The following PLA2G4E variants were observed in gnomAD, a reference collection of about 807,000 sequenced individuals.
PLA2G4E encodes phospholipase A2 group IVE.
Under a neutral mutation model 109.1 loss-of-function variants are expected in PLA2G4E, and 84 were observed. The observed-to-expected ratio is 0.77, with a 90% CI of 0.65 to 0.92. The LOEUF (loss-of-function observed/expected upper bound fraction) is 0.92. Ranked by LOEUF, PLA2G4E falls within the 40% of genes least tolerant of loss-of-function variation. PLA2G4E has a pLI of 0.00. For missense variants in PLA2G4E, 1,057 were observed against 1,076.6 expected (o/e 0.98, Z 0.25); for synonymous variants, 469 against 436.1 (o/e 1.08, Z -0.94).
chr15:41,997,160 C>T (rs989777437), exon 11 of PLA2G4E: 8 of 1,568,052 alleles, frequency 5.1e-6, no homozygotes, highest in Non-Finnish European at 6.9e-6. Context: ...GCTGCAGCAC[C>T]TGCTTCAGGG....
intron 2 of PLA2G4E, 91 bp downstream of exon 2, chr15:42,013,594 C>T: frequency 1.5e-6 from 2 of 1,292,070 alleles, no homozygotes; most frequent in Non-Finnish European, 2.2e-6. Context: ...CGCACACACA[C>T]ACACGGATCC....
At chr15:42,007,416 T>C (rs920382337) in intron 3 of PLA2G4E, among the ~76,000 whole-genome samples, 3 of 152,230 alleles carry the variant, frequency 2.0e-5, no homozygotes, top group Admixed American at 6.5e-5. Flanking sequence ...TTTCACTCTG[T>C]GTATTCCCCT....
intron 1 of PLA2G4E, among the ~76,000 whole-genome samples, chr15:42,026,552 A>G (rs2141068705): frequency 6.6e-6 from 1 of 152,344 alleles, no homozygotes; most frequent in Non-Finnish European, 1.5e-5. Flanking sequence ...TGTTGGTGGG[A>G]ATATGGGAAT....
In PLA2G4E at chr15:41,995,355, C is replaced by A; in HGVS notation, c.1247+5G>T. On this transcript the variant is annotated splice_donor_5th_base_variant and intron_variant, in intron 12 of 19. Coordinates refer to ENST00000399518, the Ensembl canonical transcript of PLA2G4E. Reference sequence around the variant, plus strand: ...CTCCACAGACAGTGGCTCATGTCTCCTTACCAGGTGGCCCCTGATAGACCG... The same window carrying A: ...CTCCACAGACAGTGGCTCATGTCTCATTACCAGGTGGCCCCTGATAGACCG... 1 of 1,612,894 alleles carries A rather than the reference C, an allele frequency of 6.2e-7. No individual in the cohort carries two copies. The highest frequency in any genetic ancestry group is 8.5e-7 in the Non-Finnish European group (1 of 1,179,090).
intron 15 of PLA2G4E, 110 bp downstream of exon 15, chr15:41,989,305 T>G: frequency 6.2e-5 from 91 of 1,457,946 alleles, no homozygotes; most frequent in Middle Eastern, 3.6e-4. Context: ...ACTCCTAGGA[T>G]GAGACAATGC....
At chr15:42,044,873 T>G (rs895964655) in intron 1 of PLA2G4E, among the ~76,000 whole-genome samples, 1 of 151,294 alleles carries the variant, frequency 6.6e-6, no homozygotes, top group Non-Finnish European at 1.5e-5. Context: ...GGAAGATGTG[T>G]TGTAGTGGCT....
intron 1 of PLA2G4E, among the ~76,000 whole-genome samples, chr15:42,039,967 A>C (rs1453809859): frequency 1.3e-5 from 2 of 152,248 alleles, no homozygotes; most frequent in African/African-American, 4.8e-5. Context: ...ATGAAAATGA[A>C]AAAATGTTCA....
intron 1 of PLA2G4E, among the ~76,000 whole-genome samples, chr15:42,048,585 C>G (rs903250227): frequency 2.6e-5 from 4 of 152,194 alleles, no homozygotes; most frequent in Admixed American, 2.6e-4. Flanking sequence ...TGCACTGTGA[C>G]AGGCATGGGG....
chr15:41,998,223 A>G (rs2068372924), intron 10 of PLA2G4E: 1 of 152,264 alleles, frequency 6.6e-6, no homozygotes, highest in Non-Finnish European at 1.5e-5. Flanking sequence ...TGGGCCTAGG[A>G]GATTTCCATC....
At chr15:42,024,716 G>A (rs1482414170) in intron 1 of PLA2G4E, among the ~76,000 whole-genome samples, 2 of 152,096 alleles carry the variant, frequency 1.3e-5, no homozygotes, top group Non-Finnish European at 2.9e-5. Context: ...CAGCTTGTGA[G>A]CTTTAGAAAC....
At chr15:41,989,660 G>A in intron 14 of PLA2G4E, 108 bp from the exon 15 acceptor site, 1 of 1,418,774 alleles carries the variant, frequency 7.0e-7, no homozygotes, top group Non-Finnish European at 9.4e-7. Flanking sequence ...GGAAAGCCTG[G>A]GACAGGGAGG....
intron 1 of PLA2G4E, among the ~76,000 whole-genome samples, chr15:42,028,737 G>C (rs764138300): frequency 1.3e-4 from 20 of 152,098 alleles, no homozygotes; most frequent in Non-Finnish European, 2.6e-4. Flanking sequence ...CTTCTTCTAT[G>C]TGCCTATGTT....
intron 1 of PLA2G4E, among the ~76,000 whole-genome samples, chr15:42,046,993 G>A (rs1889428059): frequency 6.6e-6 from 1 of 152,240 alleles, no homozygotes; most frequent in Admixed American, 6.5e-5. Flanking sequence ...ATCCATAGGG[G>A]TGGTCCTGGA....
chr15:41,989,698 G>A (rs1344758351), intron 14 of PLA2G4E, 146 bp from the exon 15 acceptor site: 5 of 1,123,812 alleles, frequency 4.4e-6, no homozygotes, highest in Non-Finnish European at 6.2e-6. Context: ...GACACATGGG[G>A]GCACCCTTGG....
chr15:42,037,920 G>A lies in PLA2G4E; in HGVS notation c.183+12601C>T, dbSNP rs1318372559. 2.0e-5 allele frequency among the ~76,000 whole-genome samples: 3 copies of A among 152,172 alleles called. No individual in the cohort carries two copies. The East Asian group carries it at 5.8e-4, about 29-fold the overall frequency. ...TTGCTGCTCTATGCAGTCTCCCTTG[G>A]CAGGGATCCAGGCTGGTAGTGTGAG... On this transcript the variant is annotated intron_variant, in intron 1 of 19. Coordinates refer to ENST00000399518, the Ensembl canonical transcript of PLA2G4E.
intron 2 of PLA2G4E, among the ~76,000 whole-genome samples, chr15:42,012,818 T>C (rs1405539756): frequency 2.0e-5 from 3 of 152,228 alleles, no homozygotes; most frequent in African/African-American, 7.2e-5. Flanking sequence ...CCTTTCGGGA[T>C]CCCTGTGGCG....
intron 10 of PLA2G4E, chr15:41,998,879 C>G (rs1324852597): frequency 6.6e-6 from 1 of 152,148 alleles, no homozygotes; most frequent in Non-Finnish European, 1.5e-5. Context: ...ACGGTGAAAC[C>G]CCGTCTCTAC....
At chr15:42,041,791 T>A (rs1319245399) in intron 1 of PLA2G4E, among the ~76,000 whole-genome samples, 1 of 152,192 alleles carries the variant, frequency 6.6e-6, no homozygotes, top group East Asian at 1.9e-4. Flanking sequence ...CAGAGCTGCA[T>A]CATTATCAAC....
intron 1 of PLA2G4E, among the ~76,000 whole-genome samples, chr15:42,039,134 C>G (rs1338700323): frequency 2.0e-5 from 3 of 152,146 alleles, no homozygotes; most frequent in African/African-American, 7.2e-5. Context: ...GCCTCTTACC[C>G]TAGTCAAATC....
Sources: allele counts gnomAD v4.1 joint callset (sites outside exome capture counted in the v4.1 genomes callset), GRCh38; gene constraint gnomAD v4.1.1; transcripts MANE v1.5; gene names NCBI Gene and HGNC (gene_info 2026-07-23, HGNC 2026-07-21).